The following TTC6 variants were observed in gnomAD, a reference collection of about 807,000 sequenced individuals.
TTC6 encodes tetratricopeptide repeat domain 6, also known as tetratricopeptide repeat protein 6.
In TTC6, 172 loss-of-function variants were observed where a neutral mutation model predicts 210.4. The observed-to-expected ratio is 0.82, with a 90% CI of 0.72 to 0.93. The LOEUF is 0.93. TTC6 is among the 40% of genes least tolerant of loss of function. The pLI is 0.00. For missense variants in TTC6, 2,414 were observed against 2,318.1 expected, an observed-to-expected ratio of 1.04 and a Z score of -0.85; for synonymous variants, 804 against 819.6, an observed-to-expected ratio of 0.98 and a Z score of 0.32.
intron 14 of TTC6, among the ~76,000 whole-genome samples, chr14:37,782,775 G>T (rs1035705510): frequency 1.3e-5 from 2 of 152,014 alleles, no homozygotes; most frequent in Non-Finnish European, 2.9e-5. Flanking sequence ...TGTCATAAAT[G>T]GCTCTTATTA....
chr14:37,618,292 A>G (rs186892168), upstream of TTC6, among the ~76,000 whole-genome samples: 136 of 152,334 alleles, frequency 8.9e-4, no homozygotes, highest in African/African-American at 3.1e-3. Context: ...GTGAGAGAGA[A>G]GAAAAGGCTG....
intron 1 of TTC6, among the ~76,000 whole-genome samples, chr14:37,635,981 C>CAAAAAAAA (rs71433909): frequency 1.1e-4 from 8 of 70,342 alleles, no homozygotes; most frequent in Admixed American, 3.4e-4. Context: ...ATTCCATTTC[C>CAAAAAAAA]AAAAAAAAAA....
chr14:37,683,013 G>A, intron 3 of TTC6, 49 bp downstream of exon 5: 5 of 1,504,724 alleles, frequency 3.3e-6, no homozygotes, highest in Non-Finnish European at 4.5e-6. Context: ...GAGAATTGAG[G>A]ATGTGCAGGT....
At chr14:37,761,989 C>A (rs895999626) in intron 14 of TTC6, among the ~76,000 whole-genome samples, 4 of 152,168 alleles carry the variant, frequency 2.6e-5, no homozygotes, top group Non-Finnish European at 5.9e-5. Context: ...TTTTTCATAA[C>A]ACCCAACCTC....
intron 2 of TTC6, among the ~76,000 whole-genome samples, chr14:37,611,782 A>T (rs888455114): frequency 2.6e-5 from 4 of 152,104 alleles, no homozygotes; most frequent in Admixed American, 1.3e-4. Context: ...GCTTGTTTTG[A>T]GTAAACCTCA....
At chr14:37,624,609 G>A (rs1424347854) in intron 1 of TTC6, among the ~76,000 whole-genome samples, 1 of 152,046 alleles carries the variant, frequency 6.6e-6, no homozygotes, top group African/African-American at 2.4e-5. Context: ...TTTACCAGAA[G>A]TGTTAATTCC....
chr14:37,765,419 A>T (rs2095996187), intron 14 of TTC6, among the ~76,000 whole-genome samples: 1 of 151,488 alleles, frequency 6.6e-6, no homozygotes, highest in Non-Finnish European at 1.5e-5. Flanking sequence ...CGCCTCAAGC[A>T]ATCCCCCAAC....
chr14:37,718,251 G>T (rs949127286), intron 6 of TTC6, among the ~76,000 whole-genome samples: 1 of 152,058 alleles, frequency 6.6e-6, no homozygotes. Flanking sequence ...GAGATTTGAG[G>T]CTTTCTCAGT....
intron 5 of TTC6, among the ~76,000 whole-genome samples, chr14:37,708,198 A>T (rs567150963): frequency 1.3e-5 from 2 of 152,126 alleles, no homozygotes; most frequent in East Asian, 3.9e-4. Context: ...AAATGTAGAG[A>T]CACATATATG....
rs373679513 is a variant in TTC6, at chr14:37,736,616, A to G, written c.1908+606A>G. Among the ~76,000 whole-genome samples, 7 of 152,344 alleles carry G rather than the reference A, an allele frequency of 4.6e-5. No homozygotes were observed. The East Asian group carries it at 5.8e-4, about 13-fold the overall frequency. ...AATGGAGAAACTGTGGCCATGAAGC[A>G]GAGTAAGACTGATTGCTTTAAACGG... On this transcript the variant is annotated intron_variant, in intron 8 of 30. Transcript: ENST00000553443.
intron 7 of TTC6, among the ~76,000 whole-genome samples, chr14:37,725,310 G>GTATA (rs1191022370): frequency 6.3e-4 from 35 of 55,692 alleles, no homozygotes; most frequent in East Asian, 1.8e-3. Context: ...GTGTGTGTGT[G>GTATA]TGTATATATA....
At chr14:37,682,695 A>T in intron 2 of TTC6, 63 bp from the exon 5 acceptor site, 1 of 1,363,982 alleles carries the variant, frequency 7.3e-7, no homozygotes. Flanking sequence ...CTGTTGCATC[A>T]CTGAAAAGCC....
intron 14 of TTC6, among the ~76,000 whole-genome samples, chr14:37,757,230 CTCTTT>C (rs2095970772): frequency 6.6e-6 from 1 of 151,668 alleles, no homozygotes; most frequent in Non-Finnish European, 1.5e-5. Flanking sequence ...TTTGATTCTT[CTCTTT>C]TCTTCTTTAT....
chr14:37,834,779 C>T (rs991573722), intron 29 of TTC6, among the ~76,000 whole-genome samples: 19 of 152,134 alleles, frequency 1.2e-4, no homozygotes, highest in African/African-American at 4.3e-4. Flanking sequence ...GATATCTGCT[C>T]ATCTGGTGTA....
chr14:37,770,934 G>C (rs1368385779), intron 14 of TTC6, among the ~76,000 whole-genome samples: 1 of 140,820 alleles, frequency 7.1e-6, no homozygotes, highest in Non-Finnish European at 1.5e-5. Context: ...TTTTGCAGCG[G>C]CTGGTACCGG....
intron 14 of TTC6, among the ~76,000 whole-genome samples, chr14:37,787,189 C>CAAATAAA (rs1477527177): frequency 6.6e-6 from 1 of 152,078 alleles, no homozygotes; most frequent in African/African-American, 2.4e-5. Flanking sequence ...ATTTTATTGA[C>CAAATAAA]ATACGTCCTT....
intron 1 of TTC6, among the ~76,000 whole-genome samples, chr14:37,657,075 A>G (rs177871): frequency 0.66 from 100,085 of 151,498 alleles, 34,720 homozygotes; most frequent in African/African-American, 0.88. Context: ...AGCCAGGCGT[A>G]GTGGCGCATA....
At chr14:37,763,382 G>C (rs184882722) in intron 14 of TTC6, among the ~76,000 whole-genome samples, 1 of 152,056 alleles carries the variant, frequency 6.6e-6, no homozygotes, top group Non-Finnish European at 1.5e-5. Context: ...TTTTGAGAAC[G>C]CTTGGTGTTA....
At chr14:37,687,774 T>C (rs1451347933) in intron 3 of TTC6, among the ~76,000 whole-genome samples, 1 of 152,056 alleles carries the variant, frequency 6.6e-6, no homozygotes, top group Non-Finnish European at 1.5e-5. Flanking sequence ...AACTGAAAAG[T>C]GCTTGGGCTC....
Sources: gnomAD v4.1 joint callset for allele counts (sites outside exome capture counted in the v4.1 genomes callset) on GRCh38, gnomAD v4.1.1 for gene constraint, MANE v1.5 for transcripts, NCBI Gene and HGNC (gene_info 2026-07-23, HGNC 2026-07-21) for gene names.